NALF1: variants seen among roughly 807,000 people sequenced by gnomAD.
NALF1 encodes NALCN channel auxiliary factor 1, also known as family with sequence similarity 155 member A.
A neutral mutation model predicts 48.4 loss-of-function variants in NALF1; 3 were observed. The observed-to-expected ratio is 0.06, with a 90% CI of 0.03 to 0.16. The LOEUF (loss-of-function observed/expected upper bound fraction) is 0.16. Among genes scored for constraint, NALF1 ranks in the 10% least tolerant of loss-of-function variants. The pLI is 1.00. For missense variants in NALF1, 526 were observed against 571.5 expected (o/e 0.92, Z 0.81); for synonymous variants, 262 against 245.7 (o/e 1.07, Z -0.62).
chr13:107,734,405 A>AC (rs796545795), intron 1 of NALF1, among the ~76,000 whole-genome samples: 5,794 of 52,548 alleles, frequency 0.11, 255 homozygotes, highest in African/African-American at 0.2. Flanking sequence ...TTCCTTTAAA[A>AC]AAAAACACAC....
At chr13:107,366,751 C>T (rs1375006793) in intron 1 of NALF1, among the ~76,000 whole-genome samples, 2 of 152,318 alleles carry the variant, frequency 1.3e-5, no homozygotes, top group African/African-American at 4.8e-5. Flanking sequence ...TCCGACATCC[C>T]ATGTTGTCAG....
Position 107,510,753 on chromosome 13 carries a change from C to G in NALF1, c.916-299998G>C, listed in dbSNP as rs117344120. Among the ~76,000 whole-genome samples the G allele has an allele frequency of 2.7e-3, 404 of 152,188 alleles. 4 individuals are homozygous for G. Among genetic ancestry groups the G allele is most frequent in the East Asian group, 0.024 (125 of 5,174 alleles). On this transcript the variant is annotated intron_variant, in intron 1 of 2. Transcript: ENST00000375915. Reference sequence around the variant, plus strand: ...AGGACATTCTGTGACCATGATGGACCACGAGCTCTGCATTCACACCTGAGC... The same window carrying G: ...AGGACATTCTGTGACCATGATGGACGACGAGCTCTGCATTCACACCTGAGC...
intron 1 of NALF1, among the ~76,000 whole-genome samples, chr13:107,815,466 C>T (rs1416352251): frequency 1.3e-5 from 2 of 152,122 alleles, no homozygotes; most frequent in African/African-American, 4.8e-5. Flanking sequence ...TAAGATACCA[C>T]TTCACACCAA....
intron 1 of NALF1, among the ~76,000 whole-genome samples, chr13:107,414,219 A>G (rs1884045320): frequency 6.6e-6 from 1 of 151,362 alleles, no homozygotes; most frequent in Non-Finnish European, 1.5e-5. Flanking sequence ...TATATATAGA[A>G]CTTTTATGAT....
intron 1 of NALF1, among the ~76,000 whole-genome samples, chr13:107,346,664 A>C (rs368669475): frequency 2.0e-5 from 3 of 152,228 alleles, no homozygotes; most frequent in Non-Finnish European, 4.4e-5. Context: ...TGGTCATGAA[A>C]GATGAAAAAT....
intron 1 of NALF1, among the ~76,000 whole-genome samples, chr13:107,299,470 AT>A (rs1273512473): frequency 4.8e-4 from 13 of 27,316 alleles, no homozygotes; most frequent in Admixed American, 1.6e-3. Flanking sequence ...AATAATAATA[AT>A]AAATAAATAA....
At chr13:107,667,212 A>G (rs990965433) in intron 1 of NALF1, among the ~76,000 whole-genome samples, 2 of 152,070 alleles carry the variant, frequency 1.3e-5, no homozygotes, top group Admixed American at 1.3e-4. Context: ...TGTAATTACC[A>G]TAAACGACAT....
intron 1 of NALF1, among the ~76,000 whole-genome samples, chr13:107,432,857 T>C (rs929559730): frequency 3.3e-5 from 5 of 152,184 alleles, no homozygotes; most frequent in Admixed American, 1.3e-4. Flanking sequence ...TGTGTGGCAA[T>C]AGTTAAGGTA....
At chr13:107,816,822 C>T (rs978256227) in intron 1 of NALF1, among the ~76,000 whole-genome samples, 5 of 152,080 alleles carry the variant, frequency 3.3e-5, no homozygotes, top group Non-Finnish European at 7.4e-5. Context: ...CCACCTGATT[C>T]GTAGACCTCT....
intron 1 of NALF1, among the ~76,000 whole-genome samples, chr13:107,717,508 C>G (rs1401934139): frequency 6.6e-6 from 1 of 151,760 alleles, no homozygotes; most frequent in African/African-American, 2.4e-5. Context: ...TCGAGAAACC[C>G]TTGGGATGTG....
chr13:107,810,550 T>G (rs1878957213), intron 1 of NALF1, among the ~76,000 whole-genome samples: 1 of 152,152 alleles, frequency 6.6e-6, no homozygotes, highest in East Asian at 1.9e-4. Context: ...TTCTTTTATA[T>G]TTATACACAA....
chr13:107,214,637 C>T (rs1879834812), intron 1 of NALF1, among the ~76,000 whole-genome samples: 1 of 152,002 alleles, frequency 6.6e-6, no homozygotes, highest in African/African-American at 2.4e-5. Context: ...TCAAATGGCC[C>T]ACCGCCCCCA....
chr13:107,786,031 A>T (rs927455804), intron 1 of NALF1, among the ~76,000 whole-genome samples: 2 of 152,186 alleles, frequency 1.3e-5, no homozygotes, highest in Non-Finnish European at 1.5e-5. Flanking sequence ...TCAGAAAGAA[A>T]GTCACAGAGT....
intron 1 of NALF1, among the ~76,000 whole-genome samples, chr13:107,310,732 C>T (rs1329948857): frequency 1.3e-5 from 2 of 152,000 alleles, no homozygotes; most frequent in Non-Finnish European, 2.9e-5. Flanking sequence ...GTCTGGAGTA[C>T]AGTAGCGTGA....
intron 1 of NALF1, among the ~76,000 whole-genome samples, chr13:107,365,885 G>A (rs745988911): frequency 2.0e-4 from 30 of 152,184 alleles, no homozygotes; most frequent in Non-Finnish European, 3.5e-4. Flanking sequence ...CAGACTGCTT[G>A]CCTACATGTC....
rs117463984 is a variant in NALF1, at chr13:107,827,577, G to A, written c.915+38105C>T. On this transcript the variant is annotated intron_variant, in intron 1 of 2. Coordinates refer to ENST00000375915, the MANE Select transcript of NALF1 (RefSeq NM_001080396.3). The stretch of plus-strand genomic sequence containing the variant: ...TCCAGCCAACCAAACCCACCTTCCC[G>A]GGTCAGCAGGCACCAGCCACCTCTA... 2.4e-3 allele frequency among the ~76,000 whole-genome samples: 362 copies of A among 152,246 alleles called. 6 individuals carry two copies. In the East Asian group the frequency reaches 0.056, roughly 24 times the overall value.
At chr13:107,772,156 G>A (rs1437897171) in intron 1 of NALF1, among the ~76,000 whole-genome samples, 1 of 152,016 alleles carries the variant, frequency 6.6e-6, no homozygotes, top group East Asian at 1.9e-4. Context: ...ATCGTATCTA[G>A]GGTGGACCCG....
chr13:107,199,459 T>C (rs2138792292), intron 2 of NALF1, among the ~76,000 whole-genome samples: 1 of 152,306 alleles, frequency 6.6e-6, no homozygotes, highest in East Asian at 1.9e-4. Context: ...ATGACCCATT[T>C]TAACTTGAAG....
rs552937803 is a variant in NALF1 at position 107,319,284 on chromosome 13, C to T, written c.916-108529G>A. Among the ~76,000 whole-genome samples, 7 of 152,190 alleles carry T rather than the reference C, an allele frequency of 4.6e-5. No homozygotes were observed. The East Asian group carries it at 1.4e-3, about 29-fold the overall frequency. On this transcript the variant is annotated intron_variant, in intron 1 of 2. Transcript: ENST00000375915. The stretch of plus-strand genomic sequence containing the variant: ...CTGGTGAACGTGGGACAGAAGAACG[C>T]TGTGATTAGATGTATATTAATATAT...
Sources: allele counts gnomAD v4.1 joint callset (sites outside exome capture counted in the v4.1 genomes callset), GRCh38; gene constraint gnomAD v4.1.1; transcripts MANE v1.5; gene names NCBI Gene and HGNC (gene_info 2026-07-23, HGNC 2026-07-21).